DDIAS: variants seen among roughly 807,000 people sequenced by gnomAD.
DDIAS encodes the protein DNA damage-induced apoptosis suppressor protein.
In DDIAS, 14 loss-of-function variants were observed where a neutral mutation model predicts 15.7. That is an observed-to-expected ratio of 0.89 (90% CI 0.59 to 1.39). DDIAS has a LOEUF of 1.39. DDIAS is among the 40% of genes most tolerant of loss of function. The pLI, the probability that DDIAS is intolerant of heterozygous loss-of-function variation, is 0.00. For synonymous variants in DDIAS, 355 were observed against 395.9 expected, an observed-to-expected ratio of 0.90 and a Z score of 1.23; for missense variants, 1,035 against 1,130.9, an observed-to-expected ratio of 0.92 and a Z score of 1.22.
At chr11:82,905,158 T>A (rs138118667) in intron 1 of DDIAS, among the ~76,000 whole-genome samples, 178 of 152,304 alleles carry the variant, frequency 1.2e-3, no homozygotes, top group African/African-American at 4.2e-3. Flanking sequence ...ATTGGAGCCT[T>A]CATTCCTGGA....
rs2121369964 is a variant in DDIAS at position 82,931,896 on chromosome 11, G to A, written c.558G>A (p.Gln186=). The A allele has an allele frequency of 1.2e-6, 2 of 1,614,138 alleles. No individual in the cohort carries two copies. Among genetic ancestry groups the A allele is most frequent in the South Asian group, 1.1e-5 (1 of 91,082 alleles). The change falls in exon 6 of 6, where the codon CAG becomes CAA. Residue 186 remains glutamine, a synonymous_variant. Transcript: ENST00000533655. The part of the protein sequence containing the change: ...TVIDYFHQLL[Q]TFNFRKLQCD... ...TTGACTACTTCCATCAACTTTTGCA[G>A]ACTTTTAATTTCAGGAAACTTCAGT...
At chr11:82,926,983 T>C (rs1860875696) in intron 3 of DDIAS, among the ~76,000 whole-genome samples, 2 of 152,232 alleles carry the variant, frequency 1.3e-5, no homozygotes, top group South Asian at 4.1e-4. Flanking sequence ...CCCACTGTTA[T>C]CATATCATAA....
intron 2 of DDIAS, 63 bp from the exon 3 acceptor site, chr11:82,914,660 G>A: frequency 1.3e-6 from 1 of 787,654 alleles, no homozygotes. Flanking sequence ...GTTTTCCTAA[G>A]AAAAGAATAT....
At chr11:82,907,218 A>G (rs761046855) in intron 1 of DDIAS, among the ~76,000 whole-genome samples, 1 of 152,232 alleles carries the variant, frequency 6.6e-6, no homozygotes, top group Non-Finnish European at 1.5e-5. Context: ...GGGGGTGGGG[A>G]AGCAAGGAAC....
intron 3 of DDIAS, among the ~76,000 whole-genome samples, chr11:82,919,133 T>C (rs1017035378): frequency 3.3e-5 from 5 of 152,192 alleles, no homozygotes; most frequent in African/African-American, 4.8e-5. Context: ...CAGTAGTATG[T>C]TGAAGAAGAA....
At position 82,929,047 on chromosome 11, in the gene DDIAS, T is replaced by A. The variant is rs1590811413; in HGVS notation, c.275+109T>A. On this transcript the variant is annotated intron_variant, in intron 4 of 5. Coordinates refer to ENST00000533655, the MANE Select transcript of DDIAS (RefSeq NM_145018.4). ...GAAAGATAATCATTCAACCCCAGATTGTCAATTCCTTTAAAAGACAAGCAA... is the reference window on the plus strand; with the variant it reads ...GAAAGATAATCATTCAACCCCAGATAGTCAATTCCTTTAAAAGACAAGCAA... The A allele has an allele frequency of 1.5e-4, 187 of 1,233,678 alleles. 8 individuals carry two copies. In the South Asian group the frequency reaches 2.6e-3, roughly 17 times the overall value. 76.4% of individuals were successfully genotyped at this position (1,233,678 alleles called of 1,614,324 possible).
rs11826199 is a variant in DDIAS at position 82,933,722 on chromosome 11, C to G, written c.2384C>G (p.Pro795Arg). 54,398 of 1,612,918 alleles carry G rather than the reference C, an allele frequency of 0.034. 2,240 individuals carry two copies. Among genetic ancestry groups the G allele is most frequent in the African/African-American group, 0.17 (12,744 of 74,874 alleles). The stretch of plus-strand genomic sequence containing the variant: ...GGGATAAACAGAGCTTTCAAAAAAC[C>G]TGTATTTTATTCAGATCTTGATGGT... ...IHGINRAFKK[P>R]VFYSDLDGNY... Residue 795 changes from proline (P) to arginine (R), a missense_variant, in exon 6 of 6, where the codon CCT (proline) becomes CGT (arginine). Pro to Arg is a moderately radical substitution (Grantham distance 103, BLOSUM62 -2). Transcript: ENST00000533655.
At chr11:82,928,754 A>G (rs1325008404) in intron 3 of DDIAS, 23 bp from the exon 4 acceptor site, 2 of 1,609,186 alleles carry the variant, frequency 1.2e-6, no homozygotes, top group Admixed American at 1.7e-5. Context: ...ACATCTCCAC[A>G]CTTTTTTCCA....
intron 1 of DDIAS, among the ~76,000 whole-genome samples, chr11:82,904,326 T>C (rs1383148078): frequency 2.0e-5 from 3 of 152,234 alleles, no homozygotes; most frequent in African/African-American, 7.2e-5. Context: ...TCTTCTAGTC[T>C]AGCCGGAAGA....
rs781115475 is a variant in DDIAS at position 82,931,949 on chromosome 11, T to C, written c.611T>C (p.Leu204Ser). Residue 204 changes from leucine to serine, a missense_variant, in exon 6 of 6, where the codon TTA (leucine) becomes TCA (serine). Transcript: ENST00000533655. Reference protein sequence around the residue: ...QCDSQAPNNHLLALDHSNSDL... With the variant: ...QCDSQAPNNHSLALDHSNSDL... ...GACTCTCAGGCACCTAACAATCACT[T>C]ACTTGCTTTAGATCACTCAAATAGT... 30 of 1,614,034 alleles carry C rather than the reference T, an allele frequency of 1.9e-5. No homozygotes were observed. Among genetic ancestry groups the C allele is most frequent in the Non-Finnish European group, 2.4e-5 (28 of 1,179,984 alleles).
At position 82,932,727 on chromosome 11, in the gene DDIAS, GA is replaced by G; in HGVS notation, c.1390del (p.Thr464LeufsTer14). 1 of 1,614,012 alleles carries G rather than the reference GA, an allele frequency of 6.2e-7. No individual in the cohort carries two copies. The highest frequency in any genetic ancestry group is 8.5e-7 in the Non-Finnish European group (1 of 1,180,026). On this transcript the variant is annotated frameshift_variant, in exon 6 of 6. Transcript: ENST00000533655. LOFTEE classifies it low-confidence loss of function (END_TRUNC). ...ATGCAGACCACAGCAGGTTATCTGT[GA>G]CTCCCCAGAGAACTACTGGAGCCCT... ...FHADHSRLSV[T>X]PQRTTGALHT... is the part of the protein sequence containing the mutation.
intron 5 of DDIAS, among the ~76,000 whole-genome samples, chr11:82,931,523 T>C (rs1248997722): frequency 6.6e-6 from 1 of 151,982 alleles, no homozygotes; most frequent in Non-Finnish European, 1.5e-5. Flanking sequence ...AGCTAATTTT[T>C]GTGGGGGTAT....
chr11:82,920,712 AG>A (rs1234860996), intron 3 of DDIAS, among the ~76,000 whole-genome samples: 1 of 152,158 alleles, frequency 6.6e-6, no homozygotes, highest in Non-Finnish European at 1.5e-5. Flanking sequence ...GTTGATTTCC[AG>A]TTTATTCCAC....
In DDIAS at chr11:82,932,767, A is replaced by G; in HGVS notation, c.1429A>G (p.Ile477Val). 8.1e-6 allele frequency: 13 copies of G among 1,614,032 alleles called. No individual in the cohort carries two copies. Among genetic ancestry groups the G allele is most frequent in the Non-Finnish European group, 9.3e-6 (11 of 1,180,010 alleles). ...RTTGALHTPP[I>V]ALRSSQVIVK... ...TACTGGAGCCCTGCATACACCACCTATAGCTTTAAGATCATCACAAGTAAT... is the reference window on the plus strand; with the variant it reads ...TACTGGAGCCCTGCATACACCACCTGTAGCTTTAAGATCATCACAAGTAAT... Residue 477 changes from isoleucine (I) to valine (V), a missense_variant, in exon 6 of 6, where the codon ATA (isoleucine) becomes GTA (valine). Ile to Val is a conservative substitution (Grantham distance 29). Transcript: ENST00000533655.
chr11:82,915,630 C>G (rs11821274), intron 3 of DDIAS, among the ~76,000 whole-genome samples: 11,318 of 152,182 alleles, frequency 0.074, 909 homozygotes, highest in African/African-American at 0.19. Context: ...CTCTCAAGCA[C>G]TCATTTGTTA....
chr11:82,913,553 G>A (rs1180646293), intron 2 of DDIAS, 167 bp downstream of exon 2: 3 of 299,354 alleles, frequency 1.0e-5, no homozygotes, highest in African/African-American at 6.9e-5. Context: ...CCTTCCTGAT[G>A]TGTTTTATAC....
At position 82,909,375 on chromosome 11, in the gene DDIAS, G is replaced by A. The variant is rs531887632; in HGVS notation, c.-116-3912G>A. On this transcript the variant is annotated intron_variant, in intron 1 of 5. Coordinates refer to ENST00000533655, the MANE Select transcript of DDIAS (RefSeq NM_145018.4). Reference sequence around the variant, plus strand: ...CTTTACTGCAACCTGTTTTATCAGCGAGGCCTTTATAACCTGTATTTTGTG... The same window carrying A: ...CTTTACTGCAACCTGTTTTATCAGCAAGGCCTTTATAACCTGTATTTTGTG... 2.0e-5 allele frequency: 3 copies of A among 152,214 alleles called. No homozygotes were observed. The East Asian group carries it at 5.8e-4, about 29-fold the overall frequency. 9.4% of individuals were successfully genotyped at this position (152,214 alleles called of 1,614,324 possible). A position where few individuals can be genotyped will look rare whatever the true frequency, so the allele number is the denominator to read the frequency against.
intron 4 of DDIAS, 39 bp downstream of exon 4, chr11:82,928,977 T>C: frequency 6.3e-7 from 1 of 1,580,934 alleles, no homozygotes; most frequent in Admixed American, 2.0e-5. Flanking sequence ...TGACTGCCCT[T>C]AGAATTTGAA....
intron 3 of DDIAS, among the ~76,000 whole-genome samples, chr11:82,917,244 A>G (rs1860650186): frequency 6.6e-6 from 1 of 152,082 alleles, no homozygotes; most frequent in African/African-American, 2.4e-5. Flanking sequence ...TGCTGCACCC[A>G]TCACCCGAGC....
Sources: allele counts gnomAD v4.1 joint callset (sites outside exome capture counted in the v4.1 genomes callset), GRCh38; gene constraint gnomAD v4.1.1; transcripts MANE v1.5; gene names NCBI Gene and HGNC (gene_info 2026-07-23, HGNC 2026-07-21).